The following C6 variants were observed in gnomAD, a reference collection of about 807,000 sequenced individuals.
The protein encoded by C6 is complement C6, also known as complement component C6.
C6 carries 101 observed loss-of-function variants against 112.9 expected under a neutral mutation model. The ratio of observed to expected loss-of-function variants is 0.89; its 90% CI spans 0.76 to 1.06. The LOEUF (loss-of-function observed/expected upper bound fraction) is 1.06. Among genes scored for constraint, C6 ranks in the 50% least tolerant of loss-of-function variants. C6 has a pLI of 0.00. For missense variants in C6, 1,202 were observed against 1,104.6 expected (o/e 1.09, Z -1.25); for synonymous variants, 431 against 384.1 (o/e 1.12, Z -1.43).
At position 41,253,091 on chromosome 5, in the gene C6, C is replaced by T. The variant is rs16871065; in HGVS notation, c.-21+8103G>A. Among the ~76,000 whole-genome samples the T allele has an allele frequency of 5.7e-3, 862 of 152,238 alleles. 9 individuals are homozygous for T. Among genetic ancestry groups the T allele is most frequent in the African/African-American group, 0.02 (819 of 41,542 alleles). On this transcript the variant is annotated intron_variant, in intron 1 of 17. Coordinates refer to the C6 transcript ENST00000263413. Reference sequence around the variant, plus strand: ...TTTGAAGAGGGGAAGAAGGCATGGGCTTGAATTGAAATCTGATTATATGTT... The same window carrying T: ...TTTGAAGAGGGGAAGAAGGCATGGGTTTGAATTGAAATCTGATTATATGTT...
chr5:41,191,793 CT>C (rs374884823), intron 5 of C6, among the ~76,000 whole-genome samples: 4,159 of 142,016 alleles, frequency 0.029, 170 homozygotes, highest in African/African-American at 0.093. Context: ...TTTCTAGGGC[CT>C]TTTTTTTTTT....
chr5:41,167,352 C>T (rs1748069412), intron 9 of C6, among the ~76,000 whole-genome samples: 2 of 152,116 alleles, frequency 1.3e-5, no homozygotes, highest in Admixed American at 6.6e-5. Flanking sequence ...GAATTTACAA[C>T]ATCAACCACA....
intron 1 of C6, among the ~76,000 whole-genome samples, chr5:41,258,897 T>G (rs545487090): frequency 1.3e-5 from 2 of 152,296 alleles, no homozygotes; most frequent in African/African-American, 4.8e-5. Flanking sequence ...AGAACAGCAT[T>G]GGGGACCCAC....
In C6 at chr5:41,203,232, C is replaced by G; in HGVS notation, c.-2G>C. ...GTACAAGACAGAGCGTCTGGCCATG[C>G]CTTGAGAGCCTCCAGGCCCTAAAAT... On this transcript the variant is annotated 5_prime_UTR_variant, in exon 2 of 18. Transcript: ENST00000337836. 1 of 1,614,094 alleles carries G rather than the reference C, an allele frequency of 6.2e-7. No individual in the cohort carries two copies. Among genetic ancestry groups the G allele is most frequent in the Non-Finnish European group, 8.5e-7 (1 of 1,179,956 alleles).
chr5:41,243,253 A>G (rs1024951566), intron 1 of C6, among the ~76,000 whole-genome samples: 2 of 152,222 alleles, frequency 1.3e-5, no homozygotes, highest in East Asian at 1.9e-4. Flanking sequence ...ATAAATCATA[A>G]CATCACTTTA....
At chr5:41,165,413 G>A (rs922507335) in intron 9 of C6, among the ~76,000 whole-genome samples, 1 of 152,238 alleles carries the variant, frequency 6.6e-6, no homozygotes, top group African/African-American at 2.4e-5. Context: ...TGTATGGCAG[G>A]TTGTGAAGTT....
intron 17 of C6, 127 bp from the exon 18 acceptor site, chr5:41,143,133 T>A: frequency 1.3e-6 from 1 of 796,864 alleles, no homozygotes; most frequent in Non-Finnish European, 2.1e-6. Flanking sequence ...AAGCTTTCTC[T>A]AATGAATGAG....
intron 1 of C6, among the ~76,000 whole-genome samples, chr5:41,260,606 C>A (rs1298449886): frequency 6.6e-6 from 1 of 151,656 alleles, no homozygotes; most frequent in Non-Finnish European, 1.5e-5. Flanking sequence ...CCCATCTCTA[C>A]TAAAAATACA....
intron 1 of C6, among the ~76,000 whole-genome samples, chr5:41,243,094 A>G (rs149288520): frequency 1.3e-5 from 2 of 152,268 alleles, no homozygotes; most frequent in Admixed American, 6.5e-5. Context: ...CTTGGTGAAT[A>G]TAGTGAATAA....
At chr5:41,185,988 C>T in intron 6 of C6, 82 bp downstream of exon 6, 1 of 1,531,944 alleles carries the variant, frequency 6.5e-7, no homozygotes, top group African/African-American at 1.4e-5. Flanking sequence ...TCTGTCCCTT[C>T]ATTCATCACT....
intron 1 of C6, among the ~76,000 whole-genome samples, chr5:41,219,540 C>T (rs1246507806): frequency 6.6e-6 from 1 of 152,102 alleles, no homozygotes; most frequent in Non-Finnish European, 1.5e-5. Flanking sequence ...ATTCTGAGTT[C>T]TGAGGTTGTG....
At chr5:41,148,066 T>A (rs1031109113) in intron 17 of C6, among the ~76,000 whole-genome samples, 8 of 152,242 alleles carry the variant, frequency 5.3e-5, no homozygotes, top group East Asian at 1.9e-4. Flanking sequence ...ATAAAAAAAA[T>A]TTAAAAATAA....
rs543592342 is a variant in C6 at position 41,220,415 on chromosome 5, C to T, written c.-20-17165G>A. On this transcript the variant is annotated intron_variant, in intron 1 of 17. Transcript: ENST00000263413. The stretch of plus-strand genomic sequence containing the variant: ...CTGGTGGAACTTGTTTTACCTTGTT[C>T]TTTATTTTAATCTTCCAGTATTCCC... 1.1e-4 allele frequency among the ~76,000 whole-genome samples: 17 copies of T among 152,232 alleles called. No individual in the cohort carries two copies. In the East Asian group the frequency reaches 2.5e-3, roughly 22 times the overall value.
In C6 at chr5:41,176,650, A is replaced by G. The variant is rs1205961220; in HGVS notation, c.993T>C (p.Asp331=). 6.2e-7 allele frequency: 1 copy of G among 1,613,836 alleles called. No homozygotes were observed. Among genetic ancestry groups the G allele is most frequent in the East Asian group, 2.2e-5 (1 of 44,818 alleles). Residue 331 remains aspartate, a synonymous_variant, in exon 8 of 18, where the codon GAT becomes GAC. Coordinates refer to ENST00000337836, the MANE Select transcript of C6 (RefSeq NM_000065.5). ...KVLNFTTKAK[D]LHLSDVFLKA... ...TCAAAAAGACATCAGAAAGGTGCAG[A>G]TCTTTAGCTTTCGTTGTGAAGTTTA... is the stretch of plus-strand genomic sequence containing the variant.
chr5:41,193,744 A>C (rs1750394351), intron 5 of C6, among the ~76,000 whole-genome samples: 1 of 151,804 alleles, frequency 6.6e-6, no homozygotes, highest in Non-Finnish European at 1.5e-5. Flanking sequence ...TCTCTTGTTA[A>C]AATTTTTCTT....
chr5:41,148,338 C>A (rs560919219), intron 17 of C6, among the ~76,000 whole-genome samples: 1 of 152,030 alleles, frequency 6.6e-6, no homozygotes, highest in Non-Finnish European at 1.5e-5. Flanking sequence ...GAAAAAACAG[C>A]AATATATAGA....
intron 15 of C6, 53 bp downstream of exon 15, chr5:41,153,757 A>G: frequency 7.5e-7 from 1 of 1,329,458 alleles, no homozygotes; most frequent in Non-Finnish European, 1.1e-6. Context: ...CTATACTACC[A>G]ATCTCAGGGT....
chr5:41,247,429 A>G (rs1012537669), intron 1 of C6, among the ~76,000 whole-genome samples: 1 of 152,180 alleles, frequency 6.6e-6, no homozygotes, highest in Non-Finnish European at 1.5e-5. Context: ...TATCTAATTT[A>G]CAATAGCCAC....
intron 6 of C6, among the ~76,000 whole-genome samples, chr5:41,183,446 G>T (rs1469762212): frequency 2.6e-5 from 4 of 152,096 alleles, no homozygotes; most frequent in African/African-American, 9.7e-5. Flanking sequence ...TCTCACACAA[G>T]TCAGGATGAC....
Sources: gnomAD v4.1 joint callset for allele counts (sites outside exome capture counted in the v4.1 genomes callset) on GRCh38, gnomAD v4.1.1 for gene constraint, MANE v1.5 for transcripts, NCBI Gene and HGNC (gene_info 2026-07-23, HGNC 2026-07-21) for gene names.